ASCC2: variants seen among roughly 807,000 people sequenced by gnomAD.
ASCC2 encodes ASC-1 complex subunit P100.
A neutral mutation model predicts 93.5 loss-of-function variants in ASCC2; 42 were observed. The ratio of observed to expected loss-of-function variants is 0.45; its 90% confidence interval spans 0.35 to 0.58. The LOEUF is 0.58. Among genes scored for constraint, ASCC2 ranks in the 20% least tolerant of loss-of-function variants. The probability of loss-of-function intolerance (pLI) is 0.00; values close to 1 mark genes in which losing one functional copy is unlikely to be tolerated. For synonymous variants in ASCC2, 364 were observed against 384.2 expected, an observed-to-expected ratio of 0.95 and a Z score of 0.62; for missense variants, 859 against 977.6, an observed-to-expected ratio of 0.88 and a Z score of 1.62.
Position 29,793,425 on chromosome 22 carries a change from G to C in ASCC2, c.1854C>G (p.Asp618Glu). The change falls in exon 17 of 20, where the codon GAC becomes GAG. Residue 618 changes from aspartate to glutamate, a missense_variant. By Grantham distance (45) the Asp-to-Glu change is conservative. Coordinates refer to ENST00000307790, the MANE Select transcript of ASCC2 (RefSeq NM_032204.5). ...CGCCCACCTGGTTGCCATCGTATGT[G>C]TCATCGTACTCATCCTCGTAGTAGA... Reference protein sequence around the residue: ...HSVYYEDEYDDTYDGNQVGAN... With the variant: ...HSVYYEDEYDETYDGNQVGAN... 1 of 1,614,126 alleles carries C rather than the reference G, an allele frequency of 6.2e-7. No individual in the cohort carries two copies.
intron 15 of ASCC2, among the ~76,000 whole-genome samples, chr22:29,798,334 T>C (rs2058681064): frequency 6.6e-6 from 1 of 152,088 alleles, no homozygotes; most frequent in African/African-American, 2.4e-5. Context: ...ATGAGGGGTA[T>C]TGGAGACTTC....
rs1326582479 is a variant in ASCC2 at position 29,814,787 on chromosome 22, G to A, written c.610-20C>T. 3 of 1,595,524 alleles carry A rather than the reference G, an allele frequency of 1.9e-6. No individual in the cohort carries two copies. Among genetic ancestry groups the A allele is most frequent in the East Asian group, 4.5e-5 (2 of 44,328 alleles). On this transcript the variant is annotated intron_variant, in intron 6 of 19. Transcript: ENST00000307790. The stretch of plus-strand genomic sequence containing the variant: ...GAAGACCTGTGAAAGACAAGAACGG[G>A]CTCTCTCACATCATACTGAACCAGG...
chr22:29,796,235 A>G (rs576012293), intron 15 of ASCC2, among the ~76,000 whole-genome samples: 2 of 152,036 alleles, frequency 1.3e-5, no homozygotes, highest in African/African-American at 4.8e-5. Flanking sequence ...TAGCCTCCCC[A>G]GTAGCTGGGA....
At position 29,825,795 on chromosome 22, in the gene ASCC2, A is replaced by C. The variant is rs1568948689; in HGVS notation, c.82-15T>G. ...TGCTCGGGGTGCTACGGATCCAAAA[A>C]CCACGTGTTAACGTGGCAGAGGTTA... is the stretch of plus-strand genomic sequence containing the variant. On this transcript the variant is annotated splice_polypyrimidine_tract_variant and intron_variant, in intron 2 of 19. Coordinates refer to ENST00000307790, the MANE Select transcript of ASCC2 (RefSeq NM_032204.5). This position sits in a 1 kb window ranked among gnomAD's most constrained non-coding sequence, Gnocchi z 4.9. 1.9e-6 allele frequency: 3 copies of C among 1,595,702 alleles called. No homozygotes were observed. The highest frequency in any genetic ancestry group is 2.6e-6 in the Non-Finnish European group (3 of 1,167,824).
intron 5 of ASCC2, 76 bp from the exon 6 acceptor site, chr22:29,816,149 G>A: frequency 8.2e-7 from 1 of 1,219,858 alleles, no homozygotes; most frequent in Non-Finnish European, 1.2e-6. Flanking sequence ...ATTACAAATG[G>A]TTGCCAGCAG....
intron 15 of ASCC2, among the ~76,000 whole-genome samples, chr22:29,796,151 C>T (rs1006451078): frequency 2.6e-5 from 4 of 151,820 alleles, no homozygotes; most frequent in Non-Finnish European, 5.9e-5. Flanking sequence ...CTCTGTTGCC[C>T]AGGCTGGAGT....
Position 29,825,750 on chromosome 22 carries a change from C to G in ASCC2, c.112G>C (p.Val38Leu). Residue 38 changes from valine to leucine, a missense_variant, in exon 3 of 20, where the codon GTG becomes CTG. Coordinates refer to ENST00000307790, the MANE Select transcript of ASCC2 (RefSeq NM_032204.5). This position sits in a 1 kb window ranked among gnomAD's most constrained non-coding sequence, Gnocchi z 4.9. ...HPEQKADRYFVLYKPPPKDNI... is the reference protein window; with the variant it reads ...HPEQKADRYFLLYKPPPKDNI... The stretch of plus-strand genomic sequence containing the variant: ...TCTTTAGGGGGCGGTTTGTATAACA[C>G]AAAATACCGGTCTGCCTTCTGCTCG... 1.2e-6 allele frequency: 2 copies of G among 1,612,942 alleles called. No homozygotes were observed. The highest frequency in any genetic ancestry group is 1.7e-6 in the Non-Finnish European group (2 of 1,179,008).
intron 5 of ASCC2, 68 bp from the exon 6 acceptor site, chr22:29,816,141 T>G: frequency 7.8e-7 from 1 of 1,288,718 alleles, no homozygotes; most frequent in South Asian, 1.3e-5. Context: ...GAGGACACAT[T>G]ACAAATGGTT....
rs1325965624 is a variant in ASCC2, at chr22:29,838,202, G to A, written c.-42C>T. ...CCTCGGCGGCTCCACCACCGGCTCT[G>A]TGCCGCCGCCGCCGCCGCCGCCGCC... is the stretch of plus-strand genomic sequence containing the variant. On this transcript the variant is annotated 5_prime_UTR_variant, in exon 1 of 20. Transcript: ENST00000307790. 2.5e-6 allele frequency: 1 copy of A among 394,234 alleles called. No individual in the cohort carries two copies. Among genetic ancestry groups the A allele is most frequent in the Admixed American group, 2.8e-5 (1 of 36,072 alleles). 24.4% of individuals were successfully genotyped at this position (394,234 alleles called of 1,614,324 possible).
At chr22:29,816,155 A>G in intron 5 of ASCC2, 82 bp from the exon 6 acceptor site, 1 of 1,180,912 alleles carries the variant, frequency 8.5e-7, no homozygotes, top group Non-Finnish European at 1.2e-6. Context: ...AATGGTTGCC[A>G]GCAGGTCTGT....
At position 29,825,368 on chromosome 22, in the gene ASCC2, C is replaced by G. The variant is rs2062163471; in HGVS notation, c.241-111G>C. 7.3e-7 allele frequency: 1 copy of G among 1,370,640 alleles called. No individual in the cohort carries two copies. The highest frequency in any genetic ancestry group is 1.5e-5 in the African/African-American group (1 of 68,536). 84.9% of individuals were successfully genotyped at this position (1,370,640 alleles called of 1,614,324 possible). On this transcript the variant is annotated intron_variant, in intron 3 of 19. Coordinates refer to ENST00000307790, the MANE Select transcript of ASCC2 (RefSeq NM_032204.5). The surrounding 1 kb of genome is among the most constrained non-coding windows in gnomAD (Gnocchi z 4.9). ...TCAGCCCTGCCCTATTCCAAACACT[C>G]CGACCCCAAGGGACCAAGGAGGTAT...
At chr22:29,807,826 T>C (rs1569392298) in intron 9 of ASCC2, among the ~76,000 whole-genome samples, 1 of 151,918 alleles carries the variant, frequency 6.6e-6, no homozygotes, top group African/African-American at 2.4e-5. Flanking sequence ...GGAGGATTGA[T>C]TGATGTCAGG....
intron 6 of ASCC2, among the ~76,000 whole-genome samples, chr22:29,815,474 A>G (rs1187020659): frequency 6.6e-6 from 1 of 152,168 alleles, no homozygotes; most frequent in African/African-American, 2.4e-5. Context: ...ATCAACAGTG[A>G]GAGGAAAACG....
Position 29,792,516 on chromosome 22 carries a change from C to A in ASCC2, c.1939G>T (p.Val647Leu), listed in dbSNP as rs779402165. The A allele has an allele frequency of 6.2e-7, 1 of 1,614,022 alleles. No individual in the cohort carries two copies. Among genetic ancestry groups the A allele is most frequent in the Non-Finnish European group, 8.5e-7 (1 of 1,179,944 alleles). The part of the protein sequence containing the change: ...ISRRPFTIPQ[V>L]LRTKVPREGQ... ...TCTCTAGGCACTTTGGTTCTCAGCA[C>A]CTGAGGGATGGTGAATGGCCTGAGG... The change falls in exon 18 of 20, where the codon GTG becomes TTG. Residue 647 changes from valine (V) to leucine (L), a missense_variant. By Grantham distance (32) the Val-to-Leu change is conservative. Transcript: ENST00000307790.
chr22:29,788,772 G>A lies in ASCC2; in HGVS notation c.*241C>T. The A allele has an allele frequency of 1.8e-6, 1 of 545,382 alleles. No individual in the cohort carries two copies. Among genetic ancestry groups the A allele is most frequent in the Non-Finnish European group, 3.3e-6 (1 of 305,476 alleles). 33.8% of individuals were successfully genotyped at this position (545,382 alleles called of 1,614,324 possible). A position where few individuals can be genotyped will look rare whatever the true frequency, so the allele number is the denominator to read the frequency against. ...TCTCTTTCCCGCTAGCGCAGCTGGGGGAAGGTGCCTGCTTGCCGGCCCCAC... is the reference window on the plus strand; with the variant it reads ...TCTCTTTCCCGCTAGCGCAGCTGGGAGAAGGTGCCTGCTTGCCGGCCCCAC... On this transcript the variant is annotated 3_prime_UTR_variant, in exon 20 of 20. Coordinates refer to ENST00000307790, the MANE Select transcript of ASCC2 (RefSeq NM_032204.5).
intron 2 of ASCC2, among the ~76,000 whole-genome samples, chr22:29,826,335 G>T (rs906520842): frequency 6.6e-6 from 1 of 150,904 alleles, no homozygotes; most frequent in African/African-American, 2.4e-5. Flanking sequence ...TTTTGTTTTT[G>T]AGACAGGTCT....
At chr22:29,790,196 T>TG (rs1205278421) in intron 19 of ASCC2, among the ~76,000 whole-genome samples, 1 of 152,256 alleles carries the variant, frequency 6.6e-6, no homozygotes, top group East Asian at 1.9e-4. Flanking sequence ...TGGTTATGAG[T>TG]GGGGACCCTG....
intron 8 of ASCC2, among the ~76,000 whole-genome samples, chr22:29,811,147 G>C (rs1417540959): frequency 6.6e-6 from 1 of 152,096 alleles, no homozygotes; most frequent in East Asian, 1.9e-4. Flanking sequence ...TTAGAGAAAG[G>C]GTGCTTAATG....
Position 29,788,870 on chromosome 22 carries a change from G to C in ASCC2, c.*143C>G. 3.1e-6 allele frequency: 3 copies of C among 974,384 alleles called. No individual in the cohort carries two copies. Among genetic ancestry groups the C allele is most frequent in the Non-Finnish European group, 4.6e-6 (3 of 646,116 alleles). 60.4% of individuals were successfully genotyped at this position (974,384 alleles called of 1,614,324 possible). On this transcript the variant is annotated 3_prime_UTR_variant, in exon 20 of 20. Transcript: ENST00000307790. Reference sequence around the variant, plus strand: ...GCTCATGGCTGGCTGGTAGATGAGAGGCGGCCTTCTCAGGGGCTGCAAAGC... The same window carrying C: ...GCTCATGGCTGGCTGGTAGATGAGACGCGGCCTTCTCAGGGGCTGCAAAGC...
Sources: gnomAD v4.1 joint callset for allele counts (sites outside exome capture counted in the v4.1 genomes callset) on GRCh38, gnomAD v4.1.1 for gene constraint, Gnocchi (gnomAD v3.1) non-coding constraint, MANE v1.5 for transcripts, NCBI Gene and HGNC (gene_info 2026-07-23, HGNC 2026-07-21) for gene names.